The following RNF128 variants were observed in gnomAD, a reference collection of about 807,000 sequenced individuals.
RNF128 encodes the protein E3 ubiquitin-protein ligase RNF128.
A neutral mutation model predicts 26.2 loss-of-function variants in RNF128; 13 were observed. The observed-to-expected ratio is 0.50, with a 90% CI of 0.32 to 0.79. The LOEUF is 0.79. Ranked by LOEUF, RNF128 falls within the 30% of genes least tolerant of loss-of-function variation. The pLI, the probability that RNF128 is intolerant of heterozygous loss-of-function variation, is 0.03. For missense variants in RNF128, 315 were observed against 349.7 expected (o/e 0.90, Z 0.79); for synonymous variants, 149 against 142.5 (o/e 1.05, Z -0.32).
At chrX:106,749,070 T>C (rs777258392) in intron 1 of RNF128, among the ~76,000 whole-genome samples, 1 of 112,029 alleles carries the variant, frequency 8.9e-6, no homozygotes, top group South Asian at 3.7e-4. Context: ...TATTTTAATC[T>C]ATCTTTGAAA....
intron 1 of RNF128, among the ~76,000 whole-genome samples, chrX:106,763,546 G>A (rs1334210114): frequency 8.9e-6 from 1 of 112,745 alleles, no homozygotes; most frequent in Non-Finnish European, 1.9e-5. Context: ...TCGCTCTGTC[G>A]TCCAGGCTGG....
At chrX:106,724,990 A>G (rs1193747259), upstream of RNF128, among the ~76,000 whole-genome samples, 1 of 112,343 alleles carries the variant, frequency 8.9e-6, no homozygotes, top group Non-Finnish European at 1.9e-5. Context: ...TGTCTCTCTG[A>G]ACTTCATTTT....
At chrX:106,701,329 A>G (rs965252465) in intron 1 of RNF128, among the ~76,000 whole-genome samples, 11 of 111,661 alleles carry the variant, frequency 9.9e-5, no homozygotes, top group Non-Finnish European at 1.9e-4. Context: ...GTTATTTGAT[A>G]GAAGCTTCTG....
rs866548165 is a variant in RNF128 at position 106,788,397 on chromosome X, T to A, written c.887+397T>A. 8.2e-3 allele frequency among the ~76,000 whole-genome samples: 341 copies of A among 41,458 alleles called. 2 individuals carry two copies. Among genetic ancestry groups the A allele is most frequent in the Admixed American group, 0.022 (47 of 2,124 alleles). The allele number at this position is 41,458 out of a possible 115,157, so 36.0% of individuals were successfully genotyped here. ...ATTATATATTATATATAATATATAT[T>A]ATATATAATATATAATATATAATAT... is the stretch of plus-strand genomic sequence containing the variant. On this transcript the variant is annotated intron_variant, in intron 4 of 6. Transcript: ENST00000255499.
At chrX:106,792,103 A>G (rs1024343497) in intron 6 of RNF128, among the ~76,000 whole-genome samples, 2 of 110,928 alleles carry the variant, frequency 1.8e-5, no homozygotes, top group African/African-American at 3.3e-5. Flanking sequence ...ATAACCACAC[A>G]AAGGCAAACT....
chrX:106,718,648 C>G (rs1929258746), intron 1 of RNF128, among the ~76,000 whole-genome samples: 1 of 110,134 alleles, frequency 9.1e-6, no homozygotes, highest in Non-Finnish European at 1.9e-5. Flanking sequence ...TTAGTATTTT[C>G]CCCATTAAAG....
intron 1 of RNF128, among the ~76,000 whole-genome samples, chrX:106,756,337 T>C (rs1930009300): frequency 9.0e-6 from 1 of 110,837 alleles, no homozygotes; most frequent in South Asian, 3.8e-4. Flanking sequence ...CTTCAAACTA[T>C]ACTACAAGGC....
chrX:106,710,110 A>T (rs1050602440), intron 1 of RNF128, among the ~76,000 whole-genome samples: 1 of 112,130 alleles, frequency 8.9e-6, no homozygotes, highest in African/African-American at 3.2e-5. Flanking sequence ...CTGAGAAGCT[A>T]AACAGTAAAG....
intron 1 of RNF128, 142 bp from the exon 2 acceptor site, chrX:106,772,771 A>T: frequency 1.7e-6 from 1 of 586,350 alleles, no homozygotes; most frequent in Non-Finnish European, 2.6e-6. Flanking sequence ...TCATATAGAT[A>T]GTAGGTGCTC....
At chrX:106,783,123 CT>C (rs1157556233) in intron 2 of RNF128, among the ~76,000 whole-genome samples, 4 of 111,457 alleles carry the variant, frequency 3.6e-5, no homozygotes, top group African/African-American at 1.3e-4. Flanking sequence ...GACTTATTTG[CT>C]GGTCAGGTAA....
chrX:106,793,385 G>T (rs1930860540), intron 6 of RNF128, among the ~76,000 whole-genome samples: 1 of 111,438 alleles, frequency 9.0e-6, no homozygotes. Flanking sequence ...AATTTGAAAT[G>T]ATTTCAGACT....
intron 1 of RNF128, among the ~76,000 whole-genome samples, chrX:106,734,724 A>G: frequency 8.9e-6 from 1 of 112,391 alleles, no homozygotes; most frequent in Non-Finnish European, 1.9e-5. Context: ...GGAATAAAAT[A>G]GTACCAAACT....
At chrX:106,791,350 T>C in intron 6 of RNF128, 116 bp downstream of exon 6, 1 of 664,325 alleles carries the variant, frequency 1.5e-6, no homozygotes, top group South Asian at 4.6e-5. Flanking sequence ...TGATCCAGGT[T>C]TTTTCTACTT....
upstream of RNF128, among the ~76,000 whole-genome samples, chrX:106,723,178 C>T (rs186386642): frequency 1.2e-4 from 13 of 112,387 alleles, no homozygotes; most frequent in East Asian, 3.3e-3. Flanking sequence ...AGCACCCATA[C>T]ACCCACCATC....
intron 2 of RNF128, among the ~76,000 whole-genome samples, chrX:106,776,214 G>GT (rs1391258938): frequency 8.9e-6 from 1 of 111,998 alleles, no homozygotes; most frequent in Non-Finnish European, 1.9e-5. Flanking sequence ...CTAGCATGGA[G>GT]TACCAAACAT....
intron 1 of RNF128, among the ~76,000 whole-genome samples, chrX:106,719,298 C>T (rs1230577479): frequency 9.1e-6 from 1 of 110,248 alleles, no homozygotes; most frequent in South Asian, 3.9e-4. Context: ...CAACTCACTT[C>T]AACCTCCCCC....
At chrX:106,742,914 T>A (rs374529846) in intron 1 of RNF128, among the ~76,000 whole-genome samples, 19 of 111,424 alleles carry the variant, frequency 1.7e-4, no homozygotes, top group East Asian at 8.4e-4. Flanking sequence ...TATACATATA[T>A]GTATATGCAC....
chrX:106,783,561 C>A (rs747758027), intron 2 of RNF128, among the ~76,000 whole-genome samples: 1 of 111,157 alleles, frequency 9.0e-6, no homozygotes, highest in Non-Finnish European at 1.9e-5. Context: ...TACTTTTTGC[C>A]GAATTTCTAA....
intron 1 of RNF128, among the ~76,000 whole-genome samples, chrX:106,741,142 C>G (rs1247542307): frequency 9.0e-6 from 1 of 111,634 alleles, no homozygotes; most frequent in Non-Finnish European, 1.9e-5. Context: ...TACAGAATAC[C>G]CTATTTATCA....
Sources: allele counts gnomAD v4.1 joint callset (sites outside exome capture counted in the v4.1 genomes callset), GRCh38; gene constraint gnomAD v4.1.1; transcripts MANE v1.5; gene names NCBI Gene and HGNC (gene_info 2026-07-23, HGNC 2026-07-21).